DGKB: variants seen among roughly 807,000 people sequenced by gnomAD.
DGKB encodes 90 kDa diacylglycerol kinase.
A neutral mutation model predicts 114.3 loss-of-function variants in DGKB; 67 were observed. The ratio of observed to expected loss-of-function variants is 0.59; its 90% CI spans 0.48 to 0.72. The LOEUF is 0.72. DGKB is among the 30% of genes least tolerant of loss of function. The pLI is 0.00. For synonymous variants in DGKB, 398 were observed against 323.1 expected (o/e 1.23, Z -2.49); for missense variants, 907 against 975.2 (o/e 0.93, Z 0.93).
At chr7:14,827,168 G>A (rs1015108853) in intron 2 of DGKB, among the ~76,000 whole-genome samples, 3 of 152,120 alleles carry the variant, frequency 2.0e-5, no homozygotes, top group Non-Finnish European at 4.4e-5. Flanking sequence ...TATTCTAGGT[G>A]TATTTTTGAT....
chr7:14,574,399 A>G (rs778267861), intron 19 of DGKB, 27 bp from the exon 20 acceptor site: 10 of 1,590,132 alleles, frequency 6.3e-6, no homozygotes, highest in Non-Finnish European at 7.7e-6. Context: ...ATACCTTGAG[A>G]AAAGAACTCT....
At chr7:14,209,443 C>T (rs891623251) in intron 23 of DGKB, 2 of 471,982 alleles carry the variant, frequency 4.2e-6, no homozygotes, top group Non-Finnish European at 8.8e-6. Context: ...AGGACAGCAA[C>T]TACACAAGGC....
At chr7:14,708,595 T>A (rs990579372) in intron 6 of DGKB, among the ~76,000 whole-genome samples, 1 of 151,382 alleles carries the variant, frequency 6.6e-6, no homozygotes, top group South Asian at 2.1e-4. Flanking sequence ...CAAAACAGCA[T>A]GGTACTGGTA....
At chr7:14,236,544 A>T (rs1792814168) in intron 23 of DGKB, among the ~76,000 whole-genome samples, 1 of 151,972 alleles carries the variant, frequency 6.6e-6, no homozygotes, top group African/African-American at 2.4e-5. Flanking sequence ...TTTACAGCTG[A>T]TCGATGTAAT....
chr7:14,464,658 G>A (rs909776318), intron 21 of DGKB, among the ~76,000 whole-genome samples: 4 of 152,108 alleles, frequency 2.6e-5, no homozygotes, highest in East Asian at 1.9e-4. Flanking sequence ...GGATTTCTCC[G>A]TGTACTTGTT....
At chr7:14,400,986 G>A (rs1823022379) in intron 21 of DGKB, among the ~76,000 whole-genome samples, 1 of 151,726 alleles carries the variant, frequency 6.6e-6, no homozygotes, top group Admixed American at 6.6e-5. Flanking sequence ...TACTAGATAT[G>A]TTGTCTTGTT....
At chr7:14,827,682 G>A (rs1845882416) in intron 2 of DGKB, among the ~76,000 whole-genome samples, 1 of 152,052 alleles carries the variant, frequency 6.6e-6, no homozygotes, top group Admixed American at 6.6e-5. Context: ...TTTTTGAAAT[G>A]TGGAGACGCC....
chr7:14,218,083 A>G (rs1046372953), intron 23 of DGKB, among the ~76,000 whole-genome samples: 1 of 152,146 alleles, frequency 6.6e-6, no homozygotes, highest in Non-Finnish European at 1.5e-5. Flanking sequence ...TATGAAAACA[A>G]GACACATGTC....
At chr7:14,683,103 C>T (rs913268244) in intron 10 of DGKB, among the ~76,000 whole-genome samples, 16 of 152,138 alleles carry the variant, frequency 1.1e-4, no homozygotes, top group African/African-American at 3.9e-4. Context: ...AATCAGTCCT[C>T]ACTCAAATTT....
At chr7:14,458,912 G>A (rs564952966) in intron 21 of DGKB, among the ~76,000 whole-genome samples, 280 of 152,282 alleles carry the variant, frequency 1.8e-3, no homozygotes, top group African/African-American at 6.3e-3. Flanking sequence ...TAGCTCAGGG[G>A]ATCCCATCCC....
intron 25 of DGKB, among the ~76,000 whole-genome samples, chr7:14,156,256 T>C (rs1783002793): frequency 6.6e-6 from 1 of 152,164 alleles, no homozygotes; most frequent in Non-Finnish European, 1.5e-5. Flanking sequence ...ACTGTTAAAT[T>C]ATTTAACTTA....
At position 14,627,389 on chromosome 7, in the gene DGKB, A is replaced by T. The variant is rs577099885; in HGVS notation, c.1167+2847T>A. On this transcript the variant is annotated intron_variant, in intron 14 of 25. Coordinates refer to ENST00000402815, the MANE Select transcript of DGKB (RefSeq NM_001350709.2). ...GATCCATAAGTCCCGGTTTTCACAC[A>T]TTACACATGAAGTTCATATTTTCTC... is the stretch of plus-strand genomic sequence containing the variant. 1.6e-3 allele frequency among the ~76,000 whole-genome samples: 237 copies of T among 152,222 alleles called. 1 individual carries two copies. The highest frequency in any genetic ancestry group is 6.8e-3 in the Middle Eastern group (2 of 292).
At chr7:14,794,056 T>C (rs1481679953) in intron 2 of DGKB, among the ~76,000 whole-genome samples, 3 of 152,130 alleles carry the variant, frequency 2.0e-5, no homozygotes, top group East Asian at 1.9e-4. Context: ...AATTACTCCA[T>C]CAGCTTTCCT....
At chr7:14,804,070 G>GGGGGGT (rs1554282561) in intron 2 of DGKB, among the ~76,000 whole-genome samples, 1 of 146,508 alleles carries the variant, frequency 6.8e-6, no homozygotes, top group African/African-American at 2.5e-5. Flanking sequence ...TCACTTTTTG[G>GGGGGGT]GTGTGTGTGT....
At chr7:14,240,757 G>C (rs765151990) in intron 23 of DGKB, among the ~76,000 whole-genome samples, 49 of 152,094 alleles carry the variant, frequency 3.2e-4, no homozygotes, top group Non-Finnish European at 6.2e-4. Context: ...CTGTCTTTCA[G>C]TTGTTGAGTA....
intron 20 of DGKB, among the ~76,000 whole-genome samples, chr7:14,481,106 G>A (rs1563284244): frequency 1.3e-5 from 2 of 151,788 alleles, no homozygotes; most frequent in Non-Finnish European, 2.9e-5. Context: ...CAGTAAAAAT[G>A]TAATTAGCAA....
intron 4 of DGKB, among the ~76,000 whole-genome samples, chr7:14,750,647 G>C (rs1482992634): frequency 1.3e-5 from 2 of 151,860 alleles, no homozygotes; most frequent in African/African-American, 4.8e-5. Flanking sequence ...AATTTAACTT[G>C]TTCACCTAAA....
chr7:14,506,900 T>C (rs1036254699), intron 20 of DGKB, among the ~76,000 whole-genome samples: 13 of 152,202 alleles, frequency 8.5e-5, no homozygotes, highest in Admixed American at 4.6e-4. Flanking sequence ...ATATATCAAT[T>C]CTGGCCCACA....
At chr7:14,565,180 C>A (rs1340229314) in intron 20 of DGKB, among the ~76,000 whole-genome samples, 1 of 152,056 alleles carries the variant, frequency 6.6e-6, no homozygotes, top group Non-Finnish European at 1.5e-5. Context: ...CCCTCTTTTT[C>A]TACTGAAAAT....
Sources: gnomAD v4.1 joint callset for allele counts (sites outside exome capture counted in the v4.1 genomes callset) on GRCh38, gnomAD v4.1.1 for gene constraint, MANE v1.5 for transcripts, NCBI Gene and HGNC (gene_info 2026-07-23, HGNC 2026-07-21) for gene names.